The following ZNF484 variants were observed in gnomAD, a reference collection of about 807,000 sequenced individuals.
ZNF484 encodes the protein zinc finger protein 484, also known as KRAB box containing C2H2 type zinc finger bA526D8.4.
A neutral mutation model predicts 12.9 loss-of-function variants in ZNF484; 11 were observed. That is an observed-to-expected ratio of 0.85 (90% confidence interval 0.54 to 1.41). The LOEUF (loss-of-function observed/expected upper bound fraction) is 1.41, where lower values mean the gene tolerates loss of function less well. ZNF484 is among the 40% of genes most tolerant of loss of function. ZNF484 has a pLI of 0.00. For synonymous variants in ZNF484, 289 were observed against 334.1 expected, an observed-to-expected ratio of 0.86 and a Z score of 1.47; for missense variants, 807 against 1,007.7, an observed-to-expected ratio of 0.80 and a Z score of 2.70.
In ZNF484 at chr9:92,847,279, T is replaced by C. The variant is rs939191973; in HGVS notation, c.1508A>G (p.Lys503Arg). 2.5e-6 allele frequency: 4 copies of C among 1,614,054 alleles called. No homozygotes were observed. The highest frequency in any genetic ancestry group is 2.5e-6 in the Non-Finnish European group (3 of 1,180,036). Residue 503 changes from lysine to arginine, a missense_variant, in exon 5 of 5, where the codon AAG (lysine) becomes AGG (arginine). Lys to Arg is a conservative substitution (Grantham distance 26). Transcript: ENST00000375495. ...GAGATTTGACCTGTCAGTAAAGGCCTTACCACACACAGTACATATATAGGG... is the reference window on the plus strand; with the variant it reads ...GAGATTTGACCTGTCAGTAAAGGCCCTACCACACACAGTACATATATAGGG... ...ERPYICTVCG[K>R]AFTDRSNLIK...
At chr9:92,850,047 C>T (rs1438105233) in intron 4 of ZNF484, among the ~76,000 whole-genome samples, 2 of 152,146 alleles carry the variant, frequency 1.3e-5, no homozygotes, top group Non-Finnish European at 2.9e-5. Context: ...AGTATCTGTC[C>T]GCCTCGGCCT....
Position 92,845,822 on chromosome 9 carries a change from TTC to T in ZNF484, c.*404_*405del, listed in dbSNP as rs1403763952. On this transcript the variant is annotated 3_prime_UTR_variant, in exon 5 of 5. Transcript: ENST00000375495. The surrounding 1 kb of genome is among the most constrained non-coding windows in gnomAD (Gnocchi z 4.0). ...TTTTAAAAAAAGTAGAGTCCTTTCT[TTC>T]TGTCTTTAGTGTTTTCACAAAAACT... 6.2e-6 allele frequency: 1 copy of T among 160,774 alleles called. No homozygotes were observed. Among genetic ancestry groups the T allele is most frequent in the African/African-American group, 2.4e-5 (1 of 41,688 alleles). 10.0% of individuals were successfully genotyped at this position (160,774 alleles called of 1,614,324 possible).
Position 92,846,570 on chromosome 9 carries a change from C to T in ZNF484, c.2217G>A (p.Arg739=), listed in dbSNP as rs1009461223. ...AGGGTTTCTCTCCAGTATGAATTCT[C>T]CTGTGTCTATTTAAGTGTGACTTCT... The part of the protein sequence containing the change: ...FIQKSHLNRH[R]RIHTGEKPYE... Residue 739 remains arginine, a synonymous_variant, in exon 5 of 5, where the codon AGG becomes AGA. Transcript: ENST00000375495. 6.2e-7 allele frequency: 1 copy of T among 1,613,760 alleles called. No homozygotes were observed. The highest frequency in any genetic ancestry group is 8.5e-7 in the Non-Finnish European group (1 of 1,179,948).
At chr9:92,867,057 T>C (rs1183964209) in intron 2 of ZNF484, among the ~76,000 whole-genome samples, 1 of 152,216 alleles carries the variant, frequency 6.6e-6, no homozygotes, top group South Asian at 2.1e-4. Flanking sequence ...GCTTAAAACC[T>C]AGATGATGGG....
In ZNF484 at chr9:92,876,754, G is replaced by T. The variant is rs533138634; in HGVS notation, c.-31+1136C>A. Among the ~76,000 whole-genome samples, 4 of 151,888 alleles carry T rather than the reference G, an allele frequency of 2.6e-5. No individual in the cohort carries two copies. The East Asian group carries it at 7.7e-4, about 29-fold the overall frequency. On this transcript the variant is annotated intron_variant, in intron 1 of 4. Coordinates refer to ENST00000375495, the MANE Select transcript of ZNF484 (RefSeq NM_031486.4). ...TCCCTCAGATGCACAAATAAAATTA[G>T]CAAAAAAGCACATATAACTGCAAAA...
In ZNF484 at chr9:92,853,595, C is replaced by CT. The variant is rs146119868; in HGVS notation, c.235+2215dup. The stretch of plus-strand genomic sequence containing the variant: ...AATCTAAGACACAGATTATGCTGGG[C>CT]TGAGACACATGGACCTGGGCAACTT... On this transcript the variant is annotated intron_variant, in intron 4 of 4. Transcript: ENST00000375495. 2.0e-3 allele frequency among the ~76,000 whole-genome samples: 306 copies of CT among 152,324 alleles called. 16 individuals are homozygous for CT. In the East Asian group the frequency reaches 0.052, roughly 26 times the overall value.
rs544090940 is a variant in ZNF484, at chr9:92,862,384, C to T, written c.16-6066G>A. ...TAAAGGGCATAAGAGATGTGCAAAGCATAGCATGACCCCAAATAGAGAGAA... is the reference window on the plus strand; with the variant it reads ...TAAAGGGCATAAGAGATGTGCAAAGTATAGCATGACCCCAAATAGAGAGAA... On this transcript the variant is annotated intron_variant, in intron 2 of 4. Coordinates refer to ENST00000375495, the MANE Select transcript of ZNF484 (RefSeq NM_031486.4). 2.6e-5 allele frequency among the ~76,000 whole-genome samples: 4 copies of T among 152,050 alleles called. No individual in the cohort carries two copies. In the South Asian group the frequency reaches 8.3e-4, roughly 32 times the overall value.
chr9:92,848,642 C>T lies in ZNF484; in HGVS notation c.236-91G>A. On this transcript the variant is annotated intron_variant, in intron 4 of 4. Transcript: ENST00000375495. The surrounding 1 kb of genome is among the most constrained non-coding windows in gnomAD (Gnocchi z 4.1). ...GTGGCTCATGCCTGTAATCCTAGCA[C>T]TTTGGGAGGCTGAGGTGGGCAGATC... 8.0e-7 allele frequency: 1 copy of T among 1,244,160 alleles called. No homozygotes were observed. The highest frequency in any genetic ancestry group is 1.1e-6 in the Non-Finnish European group (1 of 927,868). The allele number at this position is 1,244,160 out of a possible 1,614,324, so 77.1% of individuals were successfully genotyped here. A position where few individuals can be genotyped will look rare whatever the true frequency, so the allele number is the denominator to read the frequency against.
intron 1 of ZNF484, among the ~76,000 whole-genome samples, chr9:92,877,317 A>G (rs1047606412): frequency 1.3e-4 from 20 of 151,884 alleles, no homozygotes; most frequent in African/African-American, 4.4e-4. Context: ...ACATTTCAAA[A>G]TGTCCAATGA....
intron 2 of ZNF484, among the ~76,000 whole-genome samples, chr9:92,857,838 G>A (rs1009235206): frequency 6.6e-6 from 1 of 152,028 alleles, no homozygotes; most frequent in Admixed American, 6.6e-5. Flanking sequence ...ACGACTCACT[G>A]CAGCCTCGAC....
At chr9:92,862,245 T>TAA in intron 2 of ZNF484, 5 of 578,424 alleles carry the variant, frequency 8.6e-6, no homozygotes, top group Non-Finnish European at 1.1e-5. Context: ...AGGAATTACC[T>TAA]GCCATATATT....
At chr9:92,850,308 CAGA>C (rs1436462842) in intron 4 of ZNF484, among the ~76,000 whole-genome samples, 1 of 152,170 alleles carries the variant, frequency 6.6e-6, no homozygotes, top group East Asian at 1.9e-4. Context: ...AGTGAGGTGT[CAGA>C]AGAACAAAGT....
intron 4 of ZNF484, among the ~76,000 whole-genome samples, chr9:92,850,798 T>C (rs1295125190): frequency 6.6e-6 from 1 of 152,196 alleles, no homozygotes; most frequent in East Asian, 1.9e-4. Context: ...GGTTTCACCA[T>C]GTTGGCCAGG....
rs10992490 is a variant in ZNF484, at chr9:92,848,001, C to T, written c.786G>A (p.Pro262=). 798 of 1,614,154 alleles carry T rather than the reference C, an allele frequency of 4.9e-4. 6 individuals carry two copies. The East Asian group carries it at 9.8e-3, about 20-fold the overall frequency. The part of the protein sequence containing the change: ...LFSDYVNVFS[P]KSHAFAHESI... ...TCTCATGTGCAAAGGCATGTGACTT[C>T]GGGGAGAAAACATTTACGTAGTCAG... Residue 262 remains proline, a synonymous_variant, in exon 5 of 5, where the codon CCG becomes CCA. Transcript: ENST00000375495. The surrounding 1 kb of genome is among the most constrained non-coding windows in gnomAD (Gnocchi z 4.1).
intron 2 of ZNF484, among the ~76,000 whole-genome samples, chr9:92,874,438 G>C (rs369363525): frequency 6.6e-6 from 1 of 151,578 alleles, no homozygotes; most frequent in East Asian, 1.9e-4. Context: ...CAGCCTCCTG[G>C]GTAGCTGGGA....
chr9:92,855,146 A>G (rs1345038117), intron 4 of ZNF484, among the ~76,000 whole-genome samples: 1 of 152,222 alleles, frequency 6.6e-6, no homozygotes, highest in African/African-American at 2.4e-5. Context: ...TATTAACTCA[A>G]TCTTCTGTAC....
intron 1 of ZNF484, among the ~76,000 whole-genome samples, chr9:92,877,289 T>G (rs1349290610): frequency 6.6e-6 from 1 of 151,020 alleles, no homozygotes; most frequent in Non-Finnish European, 1.5e-5. Flanking sequence ...ATTAAAAGAG[T>G]AGGGAGTATT....
chr9:92,847,901 C>T lies in ZNF484; in HGVS notation c.886G>A (p.Gly296Ser). 1 of 1,614,190 alleles carries T rather than the reference C, an allele frequency of 6.2e-7. No homozygotes were observed. ...ATTCCTGCATAAACCCTCTGACTGC[C>T]ATCAAGCTGGGACTTCTGAGTGAAG... ...AVFTQKSQLD[G>S]SQRVYAGICT... The change falls in exon 5 of 5, where the codon GGC becomes AGC. Residue 296 changes from glycine to serine, a missense_variant. Transcript: ENST00000375495.
intron 2 of ZNF484, among the ~76,000 whole-genome samples, chr9:92,873,011 T>C (rs1281764919): frequency 6.6e-6 from 1 of 152,146 alleles, no homozygotes; most frequent in Non-Finnish European, 1.5e-5. Context: ...CTCCAAAAAT[T>C]CGTATGTTTA....
Sources: allele counts gnomAD v4.1 joint callset (sites outside exome capture counted in the v4.1 genomes callset), GRCh38; gene constraint gnomAD v4.1.1; non-coding constraint Gnocchi (gnomAD v3.1); transcripts MANE v1.5; gene names NCBI Gene and HGNC (gene_info 2026-07-23, HGNC 2026-07-21).